RALGPS1: variants seen among roughly 807,000 people sequenced by gnomAD.
The protein encoded by RALGPS1 is ras-specific guanine nucleotide-releasing factor RalGPS1.
RALGPS1 carries 19 observed loss-of-function variants against 78.8 expected under a neutral mutation model. That is an observed-to-expected ratio of 0.24 (90% CI 0.17 to 0.35). The LOEUF (loss-of-function observed/expected upper bound fraction) is 0.35. RALGPS1 is among the 10% of genes least tolerant of loss of function. The pLI, the probability that RALGPS1 is intolerant of heterozygous loss-of-function variation, is 1.00. For missense variants in RALGPS1, 454 were observed against 688.3 expected (o/e 0.66, Z 3.81); for synonymous variants, 228 against 256.3 (o/e 0.89, Z 1.06).
chr9:127,038,470 T>TG (rs1283195617), intron 5 of RALGPS1, among the ~76,000 whole-genome samples: 1 of 152,244 alleles, frequency 6.6e-6, no homozygotes, highest in Non-Finnish European at 1.5e-5. Flanking sequence ...ATCACAGGGC[T>TG]GGGAGACAAT....
chr9:126,955,801 G>A (rs1564303474), intron 1 of RALGPS1, among the ~76,000 whole-genome samples: 1 of 152,212 alleles, frequency 6.6e-6, no homozygotes, highest in Non-Finnish European at 1.5e-5. Flanking sequence ...TGAATGAATA[G>A]TGTGTGTCTT....
At chr9:127,037,662 C>A (rs961444996) in intron 5 of RALGPS1, among the ~76,000 whole-genome samples, 1 of 152,238 alleles carries the variant, frequency 6.6e-6, no homozygotes, top group Non-Finnish European at 1.5e-5. Context: ...AGGTAGCCTC[C>A]CCCTGTGGTT....
At chr9:126,930,106 TA>T (rs2035659918) in intron 1 of RALGPS1, among the ~76,000 whole-genome samples, 1 of 152,040 alleles carries the variant, frequency 6.6e-6, no homozygotes, top group Non-Finnish European at 1.5e-5. Flanking sequence ...TCTGGGATTA[TA>T]GGCATGAGCC....
At chr9:127,168,546 A>G in intron 9 of RALGPS1, 133 bp from the exon 10 acceptor site, 1 of 695,688 alleles carries the variant, frequency 1.4e-6, no homozygotes, top group Non-Finnish European at 2.6e-6. Flanking sequence ...CCCAAAGAGC[A>G]TCAGCAACTG....
intron 10 of RALGPS1, among the ~76,000 whole-genome samples, chr9:127,172,591 T>A (rs1288358620): frequency 6.6e-6 from 1 of 152,268 alleles, no homozygotes; most frequent in Non-Finnish European, 1.5e-5. Context: ...GCCATTCGCT[T>A]CTTGCTAACA....
Position 127,181,316 on chromosome 9 carries a change from G to A in RALGPS1, c.910+6534G>A, listed in dbSNP as rs1198139787. ...TACTCTCTGCCAAGCACCATCGTAA[G>A]TGCTTGTCATGTGCTCACTCAGTGA... On this transcript the variant is annotated intron_variant, in intron 11 of 18. Transcript: ENST00000259351. Among the ~76,000 whole-genome samples, 4 of 152,390 alleles carry A rather than the reference G, an allele frequency of 2.6e-5. No homozygotes were observed. The East Asian group carries it at 7.7e-4, about 29-fold the overall frequency.
chr9:127,024,311 C>T (rs1340997828), intron 4 of RALGPS1, among the ~76,000 whole-genome samples: 3 of 151,372 alleles, frequency 2.0e-5, no homozygotes, highest in Admixed American at 2.0e-4. Flanking sequence ...CAGTCCCCTC[C>T]CCAAAGGTAC....
intron 1 of RALGPS1, among the ~76,000 whole-genome samples, chr9:126,915,636 C>T (rs1402083073): frequency 6.6e-6 from 1 of 152,188 alleles, no homozygotes; most frequent in Non-Finnish European, 1.5e-5. Context: ...GCCTGTGCCT[C>T]TGCTGACTCG....
chr9:127,094,332 T>G (rs1247152847), intron 8 of RALGPS1, among the ~76,000 whole-genome samples: 1 of 152,230 alleles, frequency 6.6e-6, no homozygotes, highest in Non-Finnish European at 1.5e-5. Flanking sequence ...AAAAGAGATG[T>G]GGACCTACTA....
rs139244771 is a variant in RALGPS1, at chr9:127,120,695, G to A, written c.611-45374G>A. On this transcript the variant is annotated intron_variant, in intron 8 of 18. Coordinates refer to ENST00000259351, the MANE Select transcript of RALGPS1 (RefSeq NM_014636.3). ...CACACAAAATTAGCTGGGCGTGGTGGTGGGCACCTGTAGCCCCAGCTACTC... is the reference window on the plus strand; with the variant it reads ...CACACAAAATTAGCTGGGCGTGGTGATGGGCACCTGTAGCCCCAGCTACTC... Among the ~76,000 whole-genome samples the A allele has an allele frequency of 5.4e-3, 821 of 152,268 alleles. 24 individuals are homozygous for A. In the East Asian group the frequency reaches 0.085, roughly 16 times the overall value.
At chr9:127,110,217 G>T (rs2054659962) in intron 8 of RALGPS1, among the ~76,000 whole-genome samples, 1 of 152,114 alleles carries the variant, frequency 6.6e-6, no homozygotes, top group Admixed American at 6.5e-5. Context: ...ATTCTAGGTT[G>T]CCCTAGACAG....
intron 8 of RALGPS1, among the ~76,000 whole-genome samples, chr9:127,131,814 G>C (rs1161850808): frequency 6.6e-6 from 1 of 152,190 alleles, no homozygotes; most frequent in East Asian, 1.9e-4. Flanking sequence ...CAGGCACCCA[G>C]TCAGTGGTGG....
At chr9:126,963,538 A>G (rs754377) in intron 2 of RALGPS1, among the ~76,000 whole-genome samples, 26,460 of 152,264 alleles carry the variant, frequency 0.17, 3,038 homozygotes, top group East Asian at 0.44. Context: ...GAAGTGCTCA[A>G]TAAATTTTGA....
At chr9:127,005,865 G>A (rs887026196) in intron 4 of RALGPS1, among the ~76,000 whole-genome samples, 1 of 152,226 alleles carries the variant, frequency 6.6e-6, no homozygotes, top group South Asian at 2.1e-4. Flanking sequence ...TACAAGAGGA[G>A]ACGTGGGTGG....
At chr9:126,926,051 C>G (rs948144022) in intron 1 of RALGPS1, among the ~76,000 whole-genome samples, 3 of 152,206 alleles carry the variant, frequency 2.0e-5, no homozygotes, top group African/African-American at 7.2e-5. Flanking sequence ...TAGTTGCTGA[C>G]TCATTTTTCA....
chr9:126,989,503 G>A (rs1391360820), intron 4 of RALGPS1, among the ~76,000 whole-genome samples: 1 of 152,156 alleles, frequency 6.6e-6, no homozygotes, highest in Non-Finnish European at 1.5e-5. Flanking sequence ...GGGCCTTGGA[G>A]GTGAGGAACC....
intron 14 of RALGPS1, among the ~76,000 whole-genome samples, chr9:127,200,556 G>GGTCA (rs1287096610): frequency 2.6e-5 from 4 of 152,230 alleles, no homozygotes; most frequent in Non-Finnish European, 5.9e-5. Flanking sequence ...GTCCCATATT[G>GGTCA]GTCAGTCAGT....
chr9:127,067,264 G>T (rs1194651874), intron 7 of RALGPS1, among the ~76,000 whole-genome samples: 1 of 152,148 alleles, frequency 6.6e-6, no homozygotes, highest in Non-Finnish European at 1.5e-5. Context: ...TCCCCACACT[G>T]AGATGTCCTG....
chr9:127,199,649 G>A (rs571089200), intron 14 of RALGPS1, among the ~76,000 whole-genome samples: 1 of 151,284 alleles, frequency 6.6e-6, no homozygotes, highest in East Asian at 2.0e-4. Context: ...GTCTGCCAGG[G>A]CCCCAGGCCT....
Sources: allele counts gnomAD v4.1 joint callset (sites outside exome capture counted in the v4.1 genomes callset), GRCh38; gene constraint gnomAD v4.1.1; transcripts MANE v1.5; gene names NCBI Gene and HGNC (gene_info 2026-07-23, HGNC 2026-07-21).